Variants in IL1RAPL1 observed in about 807,000 individuals in gnomAD.
IL1RAPL1 encodes the protein interleukin-1 receptor accessory protein-like 1.
In IL1RAPL1, 3 loss-of-function variants were observed where a neutral mutation model predicts 48.4. The observed-to-expected ratio is 0.06, with a 90% confidence interval of 0.03 to 0.16. The LOEUF is 0.16. Ranked by LOEUF, IL1RAPL1 falls within the 10% of genes least tolerant of loss-of-function variation. The pLI, the probability that IL1RAPL1 is intolerant of heterozygous loss-of-function variation, is 1.00. For missense variants in IL1RAPL1, 349 were observed against 530.6 expected, an observed-to-expected ratio of 0.66 and a Z score of 3.36; for synonymous variants, 185 against 187.7, an observed-to-expected ratio of 0.99 and a Z score of 0.12.
At chrX:28,917,784 G>C (rs1923523221) in intron 2 of IL1RAPL1, among the ~76,000 whole-genome samples, 1 of 112,178 alleles carries the variant, frequency 8.9e-6, no homozygotes. Context: ...AACATTTACT[G>C]CTTTAAACAT....
chrX:28,972,300 A>G (rs960791030), intron 2 of IL1RAPL1, among the ~76,000 whole-genome samples: 9 of 112,084 alleles, frequency 8.0e-5, no homozygotes, highest in African/African-American at 2.9e-4. Context: ...GACATAAAAC[A>G]TGAGTATCTC....
chrX:29,790,913 T>C (rs1431437842), intron 6 of IL1RAPL1, among the ~76,000 whole-genome samples: 1 of 111,982 alleles, frequency 8.9e-6, no homozygotes, highest in East Asian at 2.8e-4. Context: ...AAGGCCAGTA[T>C]ATATAACTGG....
intron 1 of IL1RAPL1, among the ~76,000 whole-genome samples, chrX:28,663,073 A>G (rs1354215042): frequency 8.9e-6 from 1 of 112,251 alleles, no homozygotes; most frequent in Non-Finnish European, 1.9e-5. Flanking sequence ...AAGAACGAAG[A>G]AAAAAGTATT....
chrX:29,745,030 C>T (rs761476078), intron 6 of IL1RAPL1, among the ~76,000 whole-genome samples: 2 of 111,697 alleles, frequency 1.8e-5, no homozygotes, highest in East Asian at 2.8e-4. Flanking sequence ...GAACTAAAGA[C>T]GAGAGCATCG....
intron 3 of IL1RAPL1, among the ~76,000 whole-genome samples, chrX:29,332,657 T>TA (rs1932899456): frequency 1.0e-5 from 1 of 97,784 alleles, no homozygotes; most frequent in Admixed American, 1.0e-4. Context: ...TATTTTATTT[T>TA]TTTTTTTTTA....
chrX:28,903,773 A>G (rs1023913766), intron 2 of IL1RAPL1, among the ~76,000 whole-genome samples: 1 of 111,241 alleles, frequency 9.0e-6, no homozygotes, highest in Non-Finnish European at 1.9e-5. Context: ...ACCTATATGC[A>G]TATATTCTAT....
At chrX:29,156,034 T>A (rs1929562966) in intron 2 of IL1RAPL1, among the ~76,000 whole-genome samples, 1 of 111,264 alleles carries the variant, frequency 9.0e-6, no homozygotes, top group African/African-American at 3.3e-5. Context: ...CATTATTTAT[T>A]TATTGCATCT....
intron 1 of IL1RAPL1, among the ~76,000 whole-genome samples, chrX:28,717,665 A>T (rs1935520256): frequency 8.9e-6 from 1 of 111,881 alleles, no homozygotes; most frequent in Admixed American, 9.5e-5. Flanking sequence ...AATAAAAAAA[A>T]TCGTTCATGA....
At chrX:29,416,463 G>C (rs764414188) in intron 5 of IL1RAPL1, among the ~76,000 whole-genome samples, 4 of 111,001 alleles carry the variant, frequency 3.6e-5, no homozygotes, top group South Asian at 3.8e-4. Context: ...TTGAACTTGG[G>C]GGGGCAGAGG....
chrX:29,143,606 C>T lies in IL1RAPL1; in HGVS notation c.83-139332C>T, dbSNP rs951941816. On this transcript the variant is annotated intron_variant, in intron 2 of 10. Coordinates refer to ENST00000378993, the MANE Select transcript of IL1RAPL1 (RefSeq NM_014271.4). ...TGTATATGCTACCCACCCATTTAGT[C>T]ACTTAGTAGCAGGCTAGGTTATCAG... 3.6e-5 allele frequency among the ~76,000 whole-genome samples: 4 copies of T among 111,785 alleles called. No individual in the cohort carries two copies. The East Asian group carries it at 1.1e-3, about 31-fold the overall frequency.
chrX:28,692,008 G>A (rs938363513), intron 1 of IL1RAPL1, among the ~76,000 whole-genome samples: 16 of 111,540 alleles, frequency 1.4e-4, no homozygotes, highest in Non-Finnish European at 2.3e-4. Flanking sequence ...CCTCATGGCT[G>A]AAGGTGAAGA....
chrX:28,901,391 A>G (rs1212930996), intron 2 of IL1RAPL1, among the ~76,000 whole-genome samples: 1 of 112,393 alleles, frequency 8.9e-6, no homozygotes, highest in East Asian at 2.8e-4. Flanking sequence ...CAATATTTAG[A>G]TAGCATGTAT....
intron 2 of IL1RAPL1, among the ~76,000 whole-genome samples, chrX:28,890,921 CCTT>C (rs1171519853): frequency 3.6e-5 from 4 of 112,132 alleles, no homozygotes; most frequent in Non-Finnish European, 7.5e-5. Flanking sequence ...AGATAATACT[CCTT>C]CGTGAAATAC....
intron 2 of IL1RAPL1, among the ~76,000 whole-genome samples, chrX:29,175,634 C>T (rs928362547): frequency 1.8e-4 from 20 of 109,163 alleles, no homozygotes; most frequent in African/African-American, 6.7e-4. Context: ...ATCATGAGGT[C>T]AGGAATTTGA....
chrX:28,916,323 G>A (rs1353862473), intron 2 of IL1RAPL1, among the ~76,000 whole-genome samples: 4 of 111,099 alleles, frequency 3.6e-5, no homozygotes, highest in Non-Finnish European at 7.5e-5. Context: ...CCCAGCTTAC[G>A]TCATCATTCA....
chrX:28,793,597 T>C (rs1936578100), intron 2 of IL1RAPL1, among the ~76,000 whole-genome samples: 1 of 111,687 alleles, frequency 9.0e-6, no homozygotes, highest in African/African-American at 3.2e-5. Context: ...ATAATAGCTA[T>C]TCTTAAATAT....
intron 5 of IL1RAPL1, among the ~76,000 whole-genome samples, chrX:29,658,993 T>C (rs190427046): frequency 3.2e-4 from 36 of 112,113 alleles, no homozygotes; most frequent in African/African-American, 1.1e-3. Flanking sequence ...GACACATTCA[T>C]TGCAATCCCT....
At chrX:28,878,152 A>G (rs1463542857) in intron 2 of IL1RAPL1, among the ~76,000 whole-genome samples, 1 of 112,047 alleles carries the variant, frequency 8.9e-6, no homozygotes, top group Non-Finnish European at 1.9e-5. Context: ...TCAAAGTCAG[A>G]TAAAAATCTT....
intron 2 of IL1RAPL1, among the ~76,000 whole-genome samples, chrX:29,259,765 A>G (rs1328516325): frequency 9.0e-6 from 1 of 111,626 alleles, no homozygotes; most frequent in Non-Finnish European, 1.9e-5. Context: ...CTTATGACAT[A>G]TAACCTATAC....
Sources: gnomAD v4.1 joint callset for allele counts (sites outside exome capture counted in the v4.1 genomes callset) on GRCh38, gnomAD v4.1.1 for gene constraint, MANE v1.5 for transcripts, NCBI Gene and HGNC (gene_info 2026-07-23, HGNC 2026-07-21) for gene names.